FOCAD: variants seen among roughly 807,000 people sequenced by gnomAD.
The protein encoded by FOCAD is KIAA1797.
Under a neutral mutation model 225.6 loss-of-function variants are expected in FOCAD, and 198 were observed. That is an observed-to-expected ratio of 0.88 (90% CI 0.78 to 0.99). FOCAD has a LOEUF of 0.99. Among genes scored for constraint, FOCAD ranks in the 50% least tolerant of loss-of-function variants. FOCAD has a pLI of 0.00. For missense variants in FOCAD, 2,713 were observed against 2,123.6 expected (o/e 1.28, Z -5.46); for synonymous variants, 897 against 755.0 (o/e 1.19, Z -3.08).
chr9:20,867,763 A>C (rs1484787688), intron 18 of FOCAD, among the ~76,000 whole-genome samples: 1 of 152,040 alleles, frequency 6.6e-6, no homozygotes, highest in East Asian at 1.9e-4. Context: ...TGTTAGATGA[A>C]GTTACGTGTA....
chr9:20,970,924 C>T (rs546459260), intron 35 of FOCAD, among the ~76,000 whole-genome samples: 1 of 152,286 alleles, frequency 6.6e-6, no homozygotes, highest in Admixed American at 6.5e-5. Context: ...ATAATCACCA[C>T]CATCCAGCTT....
chr9:20,846,662 TG>T (rs1470304340), intron 15 of FOCAD, among the ~76,000 whole-genome samples: 1 of 152,108 alleles, frequency 6.6e-6, no homozygotes, highest in Non-Finnish European at 1.5e-5. Context: ...GAAATGGTGT[TG>T]ATTAATGTAG....
At chr9:20,737,948 A>G (rs1827285030) in intron 4 of FOCAD, among the ~76,000 whole-genome samples, 1 of 152,232 alleles carries the variant, frequency 6.6e-6, no homozygotes. Context: ...AGTTATGTTG[A>G]GGGATCTCCA....
chr9:20,723,220 A>G (rs1376737292), intron 4 of FOCAD, among the ~76,000 whole-genome samples: 1 of 152,198 alleles, frequency 6.6e-6, no homozygotes, highest in Non-Finnish European at 1.5e-5. Context: ...AGGTGCGGTG[A>G]CTCATGCCCG....
At position 20,781,804 on chromosome 9, in the gene FOCAD, A is replaced by T. The variant is rs772158225; in HGVS notation, c.1072A>T (p.Ile358Leu). 1.9e-6 allele frequency: 3 copies of T among 1,614,154 alleles called. No homozygotes were observed. The South Asian group carries it at 3.3e-5, about 18-fold the overall frequency. ...SLLLVMPILQ[I>L]LSSTALEDCI... ...GCTGCTAGTGATGCCAATTCTGCAG[A>T]TACTATCTTCTACTGCCTTGGAAGA... Residue 358 changes from isoleucine to leucine, a missense_variant, in exon 10 of 44, where the codon ATA becomes TTA. Coordinates refer to ENST00000338382, the MANE Select transcript of FOCAD (RefSeq NM_001375567.1).
chr9:20,714,639 C>CCTTCCTTCCTTA (rs1825169065), intron 1 of FOCAD, among the ~76,000 whole-genome samples: 4 of 103,226 alleles, frequency 3.9e-5, no homozygotes, highest in African/African-American at 1.2e-4. Flanking sequence ...TGCCTGCCTT[C>CCTTCCTTCCTTA]CTTCCTTCCT....
At position 20,943,962 on chromosome 9, in the gene FOCAD, T is replaced by C. The variant is rs80037002; in HGVS notation, c.3408-665T>C. Among the ~76,000 whole-genome samples, 401 of 152,350 alleles carry C rather than the reference T, an allele frequency of 2.6e-3. 5 individuals carry two copies. Among genetic ancestry groups the C allele is most frequent in the African/African-American group, 9.1e-3 (378 of 41,584 alleles). ...GGGGGCACAAAGCCCTAGATTTCAA[T>C]TGAATTGTCACATGGGGTAACTTTT... On this transcript the variant is annotated intron_variant, in intron 28 of 43. Transcript: ENST00000338382.
At chr9:20,685,196 ATT>A (rs397959541) in intron 1 of FOCAD, among the ~76,000 whole-genome samples, 3 of 143,102 alleles carry the variant, frequency 2.1e-5, no homozygotes, top group East Asian at 2.0e-4. Context: ...TGAGTTGGAA[ATT>A]TTTTTTTTTT....
intron 4 of FOCAD, among the ~76,000 whole-genome samples, chr9:20,721,631 G>T (rs1279649855): frequency 6.6e-6 from 1 of 151,886 alleles, no homozygotes; most frequent in African/African-American, 2.4e-5. Context: ...GAACCCAGGA[G>T]GTGGAGGTTG....
chr9:20,788,721 C>T (rs138207516), intron 10 of FOCAD, among the ~76,000 whole-genome samples: 62 of 152,272 alleles, frequency 4.1e-4, no homozygotes, highest in African/African-American at 1.3e-3. Context: ...CCTCTGGCCC[C>T]GACTGCACTG....
intron 10 of FOCAD, 166 bp from the exon 11 acceptor site, chr9:20,789,185 C>G (rs1820261240): frequency 4.2e-6 from 3 of 714,348 alleles, no homozygotes; most frequent in Non-Finnish European, 6.8e-6. Context: ...TTGTGTAATC[C>G]TATTACCTCA....
At chr9:20,831,228 T>A (rs888775806) in intron 15 of FOCAD, among the ~76,000 whole-genome samples, 14 of 152,170 alleles carry the variant, frequency 9.2e-5, no homozygotes, top group African/African-American at 3.4e-4. Context: ...AATAGAATGG[T>A]TGGCAGCCTT....
intron 15 of FOCAD, among the ~76,000 whole-genome samples, chr9:20,848,569 A>C (rs1233916024): frequency 2.0e-5 from 3 of 152,004 alleles, no homozygotes; most frequent in Admixed American, 6.6e-5. Context: ...GGGTAAGCTA[A>C]GGTCAGAGAG....
intron 5 of FOCAD, among the ~76,000 whole-genome samples, chr9:20,756,081 A>G (rs1829018307): frequency 6.6e-6 from 1 of 152,180 alleles, no homozygotes; most frequent in South Asian, 2.1e-4. Flanking sequence ...GTGGCAACCA[A>G]AGTGGAAGCA....
intron 9 of FOCAD, 30 bp from the exon 10 acceptor site, chr9:20,781,697 A>T (rs774819350): frequency 4.4e-6 from 7 of 1,601,118 alleles, no homozygotes; most frequent in East Asian, 2.2e-5. Context: ...ATTAATTTTT[A>T]AAAATGTGCA....
At chr9:20,682,105 T>C (rs74794367), upstream of FOCAD, among the ~76,000 whole-genome samples, 1,218 of 152,324 alleles carry the variant, frequency 8.0e-3, 17 homozygotes, top group African/African-American at 0.028. Context: ...CCTGTGATGA[T>C]ACACAGAAGG....
At chr9:20,810,772 G>C (rs947359830) in intron 11 of FOCAD, among the ~76,000 whole-genome samples, 1 of 152,074 alleles carries the variant, frequency 6.6e-6, no homozygotes, top group African/African-American at 2.4e-5. Context: ...TGGAAATAAA[G>C]TTTAGGCCAG....
intron 21 of FOCAD, among the ~76,000 whole-genome samples, chr9:20,901,696 A>C (rs1186382190): frequency 6.6e-6 from 1 of 151,898 alleles, no homozygotes; most frequent in African/African-American, 2.4e-5. Flanking sequence ...TTCCCCTACA[A>C]TTGCGAATTA....
rs1400133379 is a variant in FOCAD, at chr9:20,993,248, C to T, written c.5257-5C>T. 1.2e-6 allele frequency: 2 copies of T among 1,611,658 alleles called. No homozygotes were observed. The highest frequency in any genetic ancestry group is 8.5e-7 in the Non-Finnish European group (1 of 1,178,166). On this transcript the variant is annotated splice_polypyrimidine_tract_variant and splice_region_variant and intron_variant, in intron 42 of 43. Coordinates refer to ENST00000338382, the MANE Select transcript of FOCAD (RefSeq NM_001375567.1). ...CTTTGACACTATTTTTCATTTTTAC[C>T]CTAGTTCATTGACTGGCTATTCAGC...
Sources: gnomAD v4.1 joint callset for allele counts (sites outside exome capture counted in the v4.1 genomes callset) on GRCh38, gnomAD v4.1.1 for gene constraint, MANE v1.5 for transcripts, NCBI Gene and HGNC (gene_info 2026-07-23, HGNC 2026-07-21) for gene names.